ERC1: variants seen among roughly 807,000 people sequenced by gnomAD.
ERC1 encodes ELKS/RAB6-interacting/CAST family member 1, also known as RAB6 interacting protein 2.
In ERC1, 56 loss-of-function variants were observed where a neutral mutation model predicts 132.0. The observed-to-expected ratio is 0.42, with a 90% confidence interval of 0.34 to 0.53. ERC1 has a LOEUF of 0.53. Among genes scored for constraint, ERC1 ranks in the 20% least tolerant of loss-of-function variants. ERC1 has a pLI of 0.03. For synonymous variants in ERC1, 478 were observed against 476.1 expected (o/e 1.00, Z -0.05); for missense variants, 1,202 against 1,349.9 (o/e 0.89, Z 1.72).
chr12:1,140,547 G>A (rs1949767053), intron 7 of ERC1, among the ~76,000 whole-genome samples: 1 of 152,068 alleles, frequency 6.6e-6, no homozygotes, highest in Non-Finnish European at 1.5e-5. Context: ...TTCAGATTTG[G>A]GGATGGTCAA....
chr12:1,212,516 C>T (rs187802112), intron 12 of ERC1, among the ~76,000 whole-genome samples: 9 of 152,182 alleles, frequency 5.9e-5, no homozygotes, highest in Non-Finnish European at 1.3e-4. Flanking sequence ...TTTGAGAGCA[C>T]GAACAATTTT....
At chr12:1,252,532 C>T (rs12317478) in intron 13 of ERC1, among the ~76,000 whole-genome samples, 6 of 152,118 alleles carry the variant, frequency 3.9e-5, no homozygotes, top group African/African-American at 1.4e-4. Context: ...TATTTGTACT[C>T]TATGCTCTGT....
chr12:1,183,450 C>T, intron 11 of ERC1, 29 bp downstream of exon 11: 2 of 1,529,214 alleles, frequency 1.3e-6, no homozygotes, highest in East Asian at 2.3e-5. Context: ...CATTTTTTTG[C>T]TTTGCCTTAA....
At chr12:1,062,443 G>A (rs1938209312) in intron 2 of ERC1, among the ~76,000 whole-genome samples, 1 of 151,920 alleles carries the variant, frequency 6.6e-6, no homozygotes, top group Non-Finnish European at 1.5e-5. Context: ...TTTCTATTTC[G>A]GTTTTTTTTC....
rs567802853 is a variant in ERC1 at position 1,367,738 on chromosome 12, T to A, written c.2781-4095T>A. On this transcript the variant is annotated intron_variant, in intron 15 of 18. Coordinates refer to ENST00000360905, the MANE Select transcript of ERC1 (RefSeq NM_178040.4). Reference sequence around the variant, plus strand: ...CACAAATGCCGCAGCAGAGCCCTTTTAGGGACATCTTGATTCTATTAGAAT... The same window carrying A: ...CACAAATGCCGCAGCAGAGCCCTTTAAGGGACATCTTGATTCTATTAGAAT... Among the ~76,000 whole-genome samples the A allele has an allele frequency of 1.2e-4, 18 of 152,204 alleles. 1 individual carries two copies. The highest frequency in any genetic ancestry group is 4.3e-4 in the African/African-American group (18 of 41,538).
At chr12:1,122,527 C>G (rs367651381) in intron 7 of ERC1, among the ~76,000 whole-genome samples, 2 of 88,456 alleles carry the variant, frequency 2.3e-5, no homozygotes, top group African/African-American at 5.8e-5. Flanking sequence ...GTCTCTATCT[C>G]TATCTCTATC....
intron 2 of ERC1, among the ~76,000 whole-genome samples, chr12:1,082,644 C>G (rs954601434): frequency 6.6e-6 from 1 of 151,904 alleles, no homozygotes; most frequent in Non-Finnish European, 1.5e-5. Context: ...GCACACGCCA[C>G]CACGCCCGGC....
rs543798907 is a variant in ERC1, at chr12:1,287,037, ATAAT to A, written c.2620-2811_2620-2808del. Among the ~76,000 whole-genome samples, 1,166 of 152,350 alleles carry A rather than the reference ATAAT, an allele frequency of 7.7e-3. 8 individuals carry two copies. The highest frequency in any genetic ancestry group is 9.0e-3 in the Non-Finnish European group (610 of 68,032). ...AGATATCAAGCCTTATAAAGTGATAATAATTAAGATAATGAATGTAGTATTGGTA... is the reference window on the plus strand; with the variant it reads ...AGATATCAAGCCTTATAAAGTGATAATAAGATAATGAATGTAGTATTGGTA... On this transcript the variant is annotated intron_variant, in intron 14 of 18. Coordinates refer to ENST00000360905, the MANE Select transcript of ERC1 (RefSeq NM_178040.4).
intron 1 of ERC1, among the ~76,000 whole-genome samples, chr12:1,002,739 CTT>C (rs1592613800): frequency 6.6e-6 from 1 of 151,986 alleles, no homozygotes; most frequent in African/African-American, 2.4e-5. Context: ...AGTAGTATCT[CTT>C]GGTTTTAATC....
intron 8 of ERC1, among the ~76,000 whole-genome samples, chr12:1,179,311 T>C (rs1350006834): frequency 1.3e-5 from 2 of 152,150 alleles, no homozygotes; most frequent in Admixed American, 6.5e-5. Context: ...GGTACTGTTA[T>C]TTATTTAAAG....
intron 11 of ERC1, among the ~76,000 whole-genome samples, chr12:1,186,683 A>C (rs1464829120): frequency 6.6e-6 from 1 of 152,196 alleles, no homozygotes; most frequent in Non-Finnish European, 1.5e-5. Context: ...AATGGGTAAG[A>C]AAGGGGAGAA....
chr12:1,148,756 C>T (rs1412209452), intron 8 of ERC1, among the ~76,000 whole-genome samples: 1 of 152,126 alleles, frequency 6.6e-6, no homozygotes, highest in African/African-American at 2.4e-5. Flanking sequence ...CACCTGCCAC[C>T]TCGCCCAGCT....
intron 13 of ERC1, among the ~76,000 whole-genome samples, chr12:1,258,562 T>C (rs1018238774): frequency 2.0e-5 from 3 of 152,212 alleles, no homozygotes; most frequent in South Asian, 2.1e-4. Flanking sequence ...TGACATCTTA[T>C]TGGCTCACTC....
intron 15 of ERC1, among the ~76,000 whole-genome samples, chr12:1,311,518 T>C (rs1216964798): frequency 1.3e-5 from 2 of 152,238 alleles, no homozygotes; most frequent in Non-Finnish European, 2.9e-5. Context: ...TAATTTTTAT[T>C]GTCACTTCTA....
intron 15 of ERC1, among the ~76,000 whole-genome samples, chr12:1,368,416 G>C (rs1026784311): frequency 6.6e-6 from 1 of 152,024 alleles, no homozygotes; most frequent in African/African-American, 2.4e-5. Flanking sequence ...ATTATATTGA[G>C]TAGACAGCTA....
At chr12:1,317,772 C>T (rs1010541357) in intron 15 of ERC1, among the ~76,000 whole-genome samples, 5 of 152,104 alleles carry the variant, frequency 3.3e-5, no homozygotes, top group Non-Finnish European at 5.9e-5. Context: ...CTTTGGATCT[C>T]GTCTAAATGA....
At chr12:1,129,729 A>G (rs1948572602) in intron 7 of ERC1, among the ~76,000 whole-genome samples, 1 of 152,216 alleles carries the variant, frequency 6.6e-6, no homozygotes, top group Admixed American at 6.5e-5. Flanking sequence ...GATAGAAGAA[A>G]GACTTTTACT....
At chr12:1,093,900 AAT>A (rs1943574719) in intron 3 of ERC1, among the ~76,000 whole-genome samples, 1 of 130,670 alleles carries the variant, frequency 7.7e-6, no homozygotes, top group Non-Finnish European at 1.6e-5. Flanking sequence ...TTTATATATA[AAT>A]ATATATTTTT....
chr12:1,391,913 C>T (rs570091706), intron 16 of ERC1, among the ~76,000 whole-genome samples: 1 of 152,184 alleles, frequency 6.6e-6, no homozygotes, highest in Non-Finnish European at 1.5e-5. Flanking sequence ...ATCCAGGGAG[C>T]TGCAGGTCAC....
Sources: allele counts gnomAD v4.1 joint callset (sites outside exome capture counted in the v4.1 genomes callset), GRCh38; gene constraint gnomAD v4.1.1; transcripts MANE v1.5; gene names NCBI Gene and HGNC (gene_info 2026-07-23, HGNC 2026-07-21).